The following DHX36 variants were observed in gnomAD, a reference collection of about 807,000 sequenced individuals.
The protein encoded by DHX36 is ATP-dependent DNA/RNA helicase DHX36.
Under a neutral mutation model 139.0 loss-of-function variants are expected in DHX36, and 50 were observed. That is an observed-to-expected ratio of 0.36 (90% CI 0.29 to 0.46). The LOEUF is 0.46. Among genes scored for constraint, DHX36 ranks in the 20% least tolerant of loss-of-function variants. The pLI is 1.00. For synonymous variants in DHX36, 425 were observed against 401.9 expected, an observed-to-expected ratio of 1.06 and a Z score of -0.69; for missense variants, 1,024 against 1,211.3, an observed-to-expected ratio of 0.85 and a Z score of 2.29.
At chr3:154,296,537 G>A (rs949904828) in intron 12 of DHX36, among the ~76,000 whole-genome samples, 16 of 152,092 alleles carry the variant, frequency 1.1e-4, no homozygotes, top group Non-Finnish European at 8.8e-5. Context: ...CACATATTTT[G>A]TTAAAAATAT....
chr3:154,304,756 ATTG>A (rs1365836949), intron 8 of DHX36, 47 bp downstream of exon 8: 4 of 1,377,438 alleles, frequency 2.9e-6, no homozygotes, highest in Non-Finnish European at 3.9e-6. Context: ...AATTTTTTTA[ATTG>A]TTTTTCTAGT....
chr3:154,305,239 T>C (rs1412136710), intron 6 of DHX36, 71 bp from the exon 7 acceptor site: 5 of 1,305,964 alleles, frequency 3.8e-6, no homozygotes, highest in Admixed American at 4.7e-5. Context: ...CAAAGGTTTA[T>C]ATCTTCAATT....
intron 22 of DHX36, 100 bp downstream of exon 22, chr3:154,280,479 G>T: frequency 1.2e-6 from 1 of 848,390 alleles, no homozygotes; most frequent in Non-Finnish European, 1.9e-6. Flanking sequence ...ACCCACATAT[G>T]AATAAGAACA....
In DHX36 at chr3:154,324,427, G is replaced by C. The variant is rs755888701; in HGVS notation, c.-11C>G. Reference sequence around the variant, plus strand: ...GTAGTCATAACTCATTGTCCTGGCAGACTACAACCCGTCAGAACCAGCAAC... The same window carrying C: ...GTAGTCATAACTCATTGTCCTGGCACACTACAACCCGTCAGAACCAGCAAC... On this transcript the variant is annotated 5_prime_UTR_variant, in exon 1 of 25. Transcript: ENST00000496811. 5 of 1,489,076 alleles carry C rather than the reference G, an allele frequency of 3.4e-6. No individual in the cohort carries two copies. The highest frequency in any genetic ancestry group is 4.5e-6 in the Non-Finnish European group (5 of 1,120,772). 92.2% of individuals were successfully genotyped at this position (1,489,076 alleles called of 1,614,324 possible).
chr3:154,283,116 A>G, intron 20 of DHX36, 72 bp downstream of exon 20: 8 of 1,208,132 alleles, frequency 6.6e-6, no homozygotes, highest in Non-Finnish European at 9.8e-6. Context: ...TATAGATCTA[A>G]TTGTACAAAA....
At chr3:154,277,481 C>T in intron 23 of DHX36, 117 bp downstream of exon 23, 4 of 950,306 alleles carry the variant, frequency 4.2e-6, no homozygotes, top group Non-Finnish European at 5.8e-6. Context: ...TTACTCACGT[C>T]ACAGGAATAA....
chr3:154,274,612 T>C lies in DHX36; in HGVS notation c.*1559A>G, dbSNP rs1399176197. The C allele has an allele frequency of 6.6e-6, 1 of 152,278 alleles. No individual in the cohort carries two copies. Among genetic ancestry groups the C allele is most frequent in the Non-Finnish European group, 1.5e-5 (1 of 68,112 alleles). 9.4% of individuals were successfully genotyped at this position (152,278 alleles called of 1,614,324 possible). A position where few individuals can be genotyped will look rare whatever the true frequency, so the allele number is the denominator to read the frequency against. ...GTCCAGAGAGAGCAGGATTTCCTCC[T>C]CTAAGCCTATTAGTGAGTAAAACAT... On this transcript the variant is annotated 3_prime_UTR_variant, in exon 25 of 25. Transcript: ENST00000496811.
chr3:154,319,158 G>A (rs1254625308), intron 1 of DHX36: 2 of 151,912 alleles, frequency 1.3e-5, no homozygotes, highest in East Asian at 1.9e-4. Flanking sequence ...GTTCTACCAC[G>A]CTTCACTTTA....
Position 154,324,229 on chromosome 3 carries a change from C to T in DHX36, c.188G>A (p.Gly63Asp). 6.2e-7 allele frequency: 1 copy of T among 1,613,530 alleles called. No homozygotes were observed. Among genetic ancestry groups the T allele is most frequent in the Non-Finnish European group, 8.5e-7 (1 of 1,179,698 alleles). ...HPGHLKGREIGMWYAKKQGQK... is the reference protein window; with the variant it reads ...HPGHLKGREIDMWYAKKQGQK... ...CCCCTGTTTTTTCGCGTACCACATGCCGATTTCGCGGCCTTTCAGGTGCCC... is the reference window on the plus strand; with the variant it reads ...CCCCTGTTTTTTCGCGTACCACATGTCGATTTCGCGGCCTTTCAGGTGCCC... Residue 63 changes from glycine to aspartate, a missense_variant, in exon 1 of 25, where the codon GGC becomes GAC. Gly to Asp is a moderately conservative substitution (Grantham distance 94). Around this residue, in one of 4 missense-constraint regions of DHX36, gnomAD observed 293 missense variants for 274.4 expected, o/e 1.07. Coordinates refer to ENST00000496811, the MANE Select transcript of DHX36 (RefSeq NM_020865.3).
chr3:154,315,481 T>C (rs1712945783), intron 2 of DHX36, among the ~76,000 whole-genome samples: 1 of 152,148 alleles, frequency 6.6e-6, no homozygotes, highest in Non-Finnish European at 1.5e-5. Flanking sequence ...TAAATAGATA[T>C]TGCCAGATTA....
At chr3:154,320,582 C>T (rs953594467) in intron 1 of DHX36, among the ~76,000 whole-genome samples, 1 of 152,184 alleles carries the variant, frequency 6.6e-6, no homozygotes, top group Admixed American at 6.5e-5. Context: ...TGCAAATCCT[C>T]ATTTGTATGC....
At chr3:154,310,798 A>T (rs1712708125) in intron 4 of DHX36, among the ~76,000 whole-genome samples, 4 of 46,864 alleles carry the variant, frequency 8.5e-5, no homozygotes, top group African/African-American at 3.6e-4. Context: ...AAAAAAAAAA[A>T]AAAAAAAAAT....
At chr3:154,290,633 C>CA (rs10706343) in intron 15 of DHX36, among the ~76,000 whole-genome samples, 59 of 77,378 alleles carry the variant, frequency 7.6e-4, no homozygotes, top group Middle Eastern at 7.6e-3. Context: ...GACTTCATCT[C>CA]AAAAAAAAAA....
At chr3:154,305,275 A>C in intron 6 of DHX36, 107 bp from the exon 7 acceptor site, 1 of 937,692 alleles carries the variant, frequency 1.1e-6, no homozygotes, top group Non-Finnish European at 1.6e-6. Flanking sequence ...GTTTTAATGA[A>C]AATCTTCACA....
chr3:154,322,850 T>C (rs1281046232), intron 1 of DHX36, among the ~76,000 whole-genome samples: 3 of 152,200 alleles, frequency 2.0e-5, no homozygotes, highest in Non-Finnish European at 2.9e-5. Flanking sequence ...AGTTGTAAAG[T>C]TACTTAGACG....
chr3:154,307,082 G>C (rs1161343009), intron 5 of DHX36, among the ~76,000 whole-genome samples: 1 of 152,058 alleles, frequency 6.6e-6, no homozygotes, highest in Non-Finnish European at 1.5e-5. Context: ...GACAAAAGTG[G>C]TTTATTTTTC....
Position 154,315,223 on chromosome 3 carries a change from G to A in DHX36, c.426C>T (p.Ile142=), listed in dbSNP as rs1216708701. Residue 142 remains isoleucine (I), a synonymous_variant, in exon 3 of 25, where the codon ATC becomes ATT. Transcript: ENST00000496811. ...NTPCSENKLD[I]QEKKLINQEK... Reference sequence around the variant, plus strand: ...CTTGATTTATCAACTTCTTTTCCTGGATGTCAAGTTTGTTCTCTGAGCATG... The same window carrying A: ...CTTGATTTATCAACTTCTTTTCCTGAATGTCAAGTTTGTTCTCTGAGCATG... 6.2e-7 allele frequency: 1 copy of A among 1,613,038 alleles called. No homozygotes were observed. The highest frequency in any genetic ancestry group is 1.7e-5 in the Admixed American group (1 of 59,936).
At position 154,283,289 on chromosome 3, in the gene DHX36, G is replaced by T. The variant is rs572992796; in HGVS notation, c.2293-18C>A. The T allele has an allele frequency of 6.4e-7, 1 of 1,560,818 alleles. No homozygotes were observed. The highest frequency in any genetic ancestry group is 1.1e-5 in the South Asian group (1 of 89,308). On this transcript the variant is annotated intron_variant, in intron 19 of 24. Coordinates refer to ENST00000496811, the MANE Select transcript of DHX36 (RefSeq NM_020865.3). Reference sequence around the variant, plus strand: ...TCCCAGCCCTATGGGGCAAAGAAATGAAGAAATCTATATTTCTCCCGCAAA... The same window carrying T: ...TCCCAGCCCTATGGGGCAAAGAAATTAAGAAATCTATATTTCTCCCGCAAA...
chr3:154,321,498 A>AGG (rs1713183692), intron 1 of DHX36, among the ~76,000 whole-genome samples: 1 of 152,204 alleles, frequency 6.6e-6, no homozygotes, highest in South Asian at 2.1e-4. Flanking sequence ...CATATTCTCT[A>AGG]ATACCTTAAT....
Sources: allele counts gnomAD v4.1 joint callset (sites outside exome capture counted in the v4.1 genomes callset), GRCh38; gene constraint gnomAD v4.1.1; regional missense constraint gnomAD v4.1.1; transcripts MANE v1.5; gene names NCBI Gene and HGNC (gene_info 2026-07-23, HGNC 2026-07-21).